The following WDR33 variants were observed in gnomAD, a reference collection of about 807,000 sequenced individuals.
WDR33 encodes pre-mRNA 3' end processing protein WDR33.
In WDR33, 47 loss-of-function variants were observed where a neutral mutation model predicts 164.9. The ratio of observed to expected loss-of-function variants is 0.29; its 90% CI spans 0.23 to 0.36. The LOEUF is 0.36. Ranked by LOEUF, WDR33 falls within the 10% of genes least tolerant of loss-of-function variation. The pLI is 1.00. For synonymous variants in WDR33, 505 were observed against 589.0 expected (o/e 0.86, Z 2.06); for missense variants, 1,137 against 1,754.1 (o/e 0.65, Z 6.28).
Position 127,768,999 on chromosome 2 carries a change from G to A in WDR33, c.207C>T (p.Asn69=), listed in dbSNP as rs780742390. The change falls in exon 3 of 22, where the codon AAC becomes AAT. Residue 69 remains asparagine (N), a splice_region_variant and synonymous_variant. Transcript: ENST00000322313. Reference sequence around the variant, plus strand: ...CTCTCTGGTCTCTTTGCCATATTCTGTTCTGTTAAATAAATAAATAAATAA... The same window carrying A: ...CTCTCTGGTCTCTTTGCCATATTCTATTCTGTTAAATAAATAAATAAATAA... ...YNPSVIKYLE[N]RIWQRDQRDM... is the part of the protein sequence containing the mutation. The A allele has an allele frequency of 2.2e-6, 3 of 1,346,278 alleles. No homozygotes were observed. The highest frequency in any genetic ancestry group is 4.8e-5 in the Admixed American group (2 of 41,688). The allele number at this position is 1,346,278 out of a possible 1,614,324, so 83.4% of individuals were successfully genotyped here. A position where few individuals can be genotyped will look rare whatever the true frequency, so the allele number is the denominator to read the frequency against.
intron 1 of WDR33, among the ~76,000 whole-genome samples, chr2:127,791,060 A>G (rs1688825284): frequency 6.6e-6 from 1 of 151,830 alleles, no homozygotes. Context: ...ATTAGGCTCC[A>G]TGGAAAAAGT....
chr2:127,804,545 T>C lies in WDR33; in HGVS notation c.-24+6467A>G, dbSNP rs559922140. On this transcript the variant is annotated intron_variant, in intron 1 of 21. Transcript: ENST00000322313. ...TAACACTAAATGGCTCCGAAAATAA[T>C]ACATGAGGGGCTGGGAGGCAGGAAG... Among the ~76,000 whole-genome samples the C allele has an allele frequency of 3.9e-5, 6 of 152,156 alleles. No individual in the cohort carries two copies. In the East Asian group the frequency reaches 1.2e-3, roughly 29 times the overall value.
In WDR33 at chr2:127,716,427, C is replaced by T. The variant is rs532669737; in HGVS notation, c.2869+728G>A. ...CCCCGTTATGAAAGTGTGTGTCGAA[C>T]ATAACACAGTGTTTCCTCTCACTCC... On this transcript the variant is annotated intron_variant, in intron 17 of 21. Transcript: ENST00000322313. This position sits in a 1 kb window ranked among gnomAD's most constrained non-coding sequence, Gnocchi z 4.5. Among the ~76,000 whole-genome samples, 1 of 152,242 alleles carries T rather than the reference C, an allele frequency of 6.6e-6. No homozygotes were observed. The highest frequency in any genetic ancestry group is 1.9e-4 in the East Asian group (1 of 5,170).
At chr2:127,781,203 GACTGTGGTAATAGAC>G (rs1372075222) in intron 1 of WDR33, among the ~76,000 whole-genome samples, 1 of 152,158 alleles carries the variant, frequency 6.6e-6, no homozygotes. Flanking sequence ...CTATTATCTT[GACTGTGGTAATAGAC>G]ACATGAACAT....
In WDR33 at chr2:127,722,827, T is replaced by C. The variant is rs552955505; in HGVS notation, c.1379-97A>G. 15 of 1,431,848 alleles carry C rather than the reference T, an allele frequency of 1.0e-5. No homozygotes were observed. In the African/African-American group the frequency reaches 2.2e-4, roughly 21 times the overall value. The allele number at this position is 1,431,848 out of a possible 1,614,324, so 88.7% of individuals were successfully genotyped here. ...TTGGAAGAATAGATTTTAAGTATTA[T>C]GTCATTTATATAATTTTTATCAACA... On this transcript the variant is annotated intron_variant, in intron 13 of 21. Transcript: ENST00000322313. This position sits in a 1 kb window ranked among gnomAD's most constrained non-coding sequence, Gnocchi z 5.1.
chr2:127,713,823 T>G lies in WDR33; in HGVS notation c.3068A>C (p.Lys1023Thr), dbSNP rs770235973. The G allele has an allele frequency of 8.7e-6, 14 of 1,614,106 alleles. No individual in the cohort carries two copies. The highest frequency in any genetic ancestry group is 1.1e-5 in the Non-Finnish European group (13 of 1,180,054). Residue 1023 changes from lysine to threonine, a missense_variant, in exon 18 of 22, where the codon AAG becomes ACG. Physicochemically the swap from Lys to Thr is moderately conservative, Grantham distance 78. Transcript: ENST00000322313. The surrounding 1 kb of genome is among the most constrained non-coding windows in gnomAD (Gnocchi z 6.2). ...FSRPDDFHPD[K>T]RFGHRLREFE... is the part of the protein sequence containing the mutation. Reference sequence around the variant, plus strand: ...TTCACGTAACCGGTGGCCAAAGCGCTTGTCAGGGTGGAAGTCATCTGGTCT... The same window carrying G: ...TTCACGTAACCGGTGGCCAAAGCGCGTGTCAGGGTGGAAGTCATCTGGTCT...
At chr2:127,804,818 G>A (rs1422342946) in intron 1 of WDR33, among the ~76,000 whole-genome samples, 2 of 152,128 alleles carry the variant, frequency 1.3e-5, no homozygotes, top group Admixed American at 1.3e-4. Flanking sequence ...CAATCATTAA[G>A]TGAAAAATAT....
intron 7 of WDR33, among the ~76,000 whole-genome samples, chr2:127,730,896 A>AT (rs747523240): frequency 2.6e-5 from 4 of 151,010 alleles, no homozygotes; most frequent in Non-Finnish European, 2.9e-5. Context: ...TGAACTCTCG[A>AT]TTTTTTTTGT....
rs1369748908 is a variant in WDR33 at position 127,702,833 on chromosome 2, C to G, written c.*3490G>C. The G allele has an allele frequency of 6.0e-6, 1 of 166,724 alleles. No individual in the cohort carries two copies. 10.3% of individuals were successfully genotyped at this position (166,724 alleles called of 1,614,324 possible). A position where few individuals can be genotyped will look rare whatever the true frequency, so the allele number is the denominator to read the frequency against. On this transcript the variant is annotated 3_prime_UTR_variant, in exon 22 of 22. Coordinates refer to ENST00000322313, the MANE Select transcript of WDR33 (RefSeq NM_018383.5). ...GACGGACCAAAAGAAATTTCCTGCC[C>G]CAAGAAGCATGGGATCCAGGAAGGG...
intron 7 of WDR33, among the ~76,000 whole-genome samples, chr2:127,749,208 T>A (rs1192001328): frequency 6.6e-6 from 1 of 152,132 alleles, no homozygotes; most frequent in Non-Finnish European, 1.5e-5. Flanking sequence ...CATAGTGGCA[T>A]GCAACTGCAG....
intron 1 of WDR33, among the ~76,000 whole-genome samples, chr2:127,807,756 T>C (rs1225204440): frequency 6.6e-6 from 1 of 152,246 alleles, no homozygotes; most frequent in African/African-American, 2.4e-5. Context: ...TCAATTTGTA[T>C]AATGCCTAGG....
At chr2:127,755,499 A>G (rs1170266641) in intron 7 of WDR33, among the ~76,000 whole-genome samples, 1 of 152,230 alleles carries the variant, frequency 6.6e-6, no homozygotes, top group African/African-American at 2.4e-5. Flanking sequence ...TGACCACTCC[A>G]GCAATCCTAT....
chr2:127,711,774 A>ATTT (rs1382438028), intron 18 of WDR33, among the ~76,000 whole-genome samples: 7 of 93,346 alleles, frequency 7.5e-5, no homozygotes, highest in Non-Finnish European at 1.4e-4. Context: ...ATATATATAT[A>ATTT]TATATATTTT....
chr2:127,753,224 G>A (rs540639200), intron 7 of WDR33, among the ~76,000 whole-genome samples: 24 of 152,314 alleles, frequency 1.6e-4, no homozygotes, highest in Non-Finnish European at 2.5e-4. Flanking sequence ...ACCACGCATA[G>A]CCCTTTTAAA....
At position 127,702,799 on chromosome 2, in the gene WDR33, G is replaced by A. The variant is rs1054221179; in HGVS notation, c.*3524C>T. 2.4e-5 allele frequency: 4 copies of A among 166,934 alleles called. No individual in the cohort carries two copies. The highest frequency in any genetic ancestry group is 5.9e-5 in the Non-Finnish European group (4 of 68,118). 10.3% of individuals were successfully genotyped at this position (166,934 alleles called of 1,614,324 possible). On this transcript the variant is annotated 3_prime_UTR_variant, in exon 22 of 22. Transcript: ENST00000322313. ...AAGGAAAATTAGTTGTGTATTTCAC[G>A]ACGAAAGCGACGGACCAAAAGAAAT...
At chr2:127,778,439 G>GAA (rs5834186) in intron 1 of WDR33, among the ~76,000 whole-genome samples, 226 of 123,796 alleles carry the variant, frequency 1.8e-3, no homozygotes, top group African/African-American at 5.8e-3. Flanking sequence ...TCCATCTCAA[G>GAA]AAAAAAAAAA....
At chr2:127,783,028 ATAAAG>A (rs1688429286) in intron 1 of WDR33, among the ~76,000 whole-genome samples, 1 of 152,096 alleles carries the variant, frequency 6.6e-6, no homozygotes, top group Non-Finnish European at 1.5e-5. Flanking sequence ...TAATAATAAA[ATAAAG>A]TATACAGCAG....
Position 127,713,476 on chromosome 2 carries a change from T to G in WDR33, c.3308+107A>C. 7.7e-7 allele frequency: 1 copy of G among 1,294,718 alleles called. No individual in the cohort carries two copies. Among genetic ancestry groups the G allele is most frequent in the South Asian group, 1.4e-5 (1 of 71,642 alleles). 80.2% of individuals were successfully genotyped at this position (1,294,718 alleles called of 1,614,324 possible). Reference sequence around the variant, plus strand: ...CTCTACAGAGTGCAGGGCTGGTAATTGATATAATTCTCTTTCCTCAAGAAA... The same window carrying G: ...CTCTACAGAGTGCAGGGCTGGTAATGGATATAATTCTCTTTCCTCAAGAAA... On this transcript the variant is annotated intron_variant, in intron 18 of 21. Coordinates refer to ENST00000322313, the MANE Select transcript of WDR33 (RefSeq NM_018383.5). This position sits in a 1 kb window ranked among gnomAD's most constrained non-coding sequence, Gnocchi z 6.2.
rs775509310 is a variant in WDR33, at chr2:127,708,646, C to T, written c.3781+31G>A. 1 of 1,549,270 alleles carries T rather than the reference C, an allele frequency of 6.5e-7. No homozygotes were observed. Among genetic ancestry groups the T allele is most frequent in the East Asian group, 2.3e-5 (1 of 44,068 alleles). On this transcript the variant is annotated intron_variant, in intron 21 of 21. Coordinates refer to ENST00000322313, the MANE Select transcript of WDR33 (RefSeq NM_018383.5). The surrounding 1 kb of genome is among the most constrained non-coding windows in gnomAD (Gnocchi z 6.7). ...AAGGCCTCCATCGGCCCCTGCATCT[C>T]CTGGAACCATAACCACTGGCCTGCT... is the stretch of plus-strand genomic sequence containing the variant.
Sources: allele counts gnomAD v4.1 joint callset (sites outside exome capture counted in the v4.1 genomes callset), GRCh38; gene constraint gnomAD v4.1.1; non-coding constraint Gnocchi (gnomAD v3.1); transcripts MANE v1.5; gene names NCBI Gene and HGNC (gene_info 2026-07-23, HGNC 2026-07-21).